TMCO5A: variants seen among roughly 807,000 people sequenced by gnomAD.
The protein encoded by TMCO5A is transmembrane and coiled-coil domains 5A.
A neutral mutation model predicts 42.3 loss-of-function variants in TMCO5A; 34 were observed. The ratio of observed to expected loss-of-function variants is 0.80; its 90% CI spans 0.61 to 1.07. The LOEUF (loss-of-function observed/expected upper bound fraction) is 1.07. Among genes scored for constraint, TMCO5A ranks in the 50% least tolerant of loss-of-function variants. TMCO5A has a pLI of 0.00. For synonymous variants in TMCO5A, 131 were observed against 115.6 expected (o/e 1.13, Z -0.86); for missense variants, 357 against 327.9 (o/e 1.09, Z -0.69).
chr15:38,001,477 T>C, the TMCO5A span, among the ~76,000 whole-genome samples: 1 of 151,784 alleles, frequency 6.6e-6, no homozygotes, highest in Non-Finnish European at 1.5e-5. Context: ...TCTATGTCTT[T>C]TGGTTGGAGA....
At chr15:37,992,218 A>G in the TMCO5A span, among the ~76,000 whole-genome samples, 1 of 152,230 alleles carries the variant, frequency 6.6e-6, no homozygotes, top group Admixed American at 6.5e-5. Context: ...TAAAGAAGAC[A>G]TACATGCGGC....
the TMCO5A span, among the ~76,000 whole-genome samples, chr15:38,021,277 G>C: frequency 1.5e-4 from 23 of 152,144 alleles, no homozygotes; most frequent in African/African-American, 4.6e-4. Context: ...ATTAAGGTAG[G>C]CTAAACCACT....
the TMCO5A span, among the ~76,000 whole-genome samples, chr15:38,024,218 A>G: frequency 4.6e-4 from 70 of 152,274 alleles, no homozygotes; most frequent in African/African-American, 1.6e-3. Flanking sequence ...CTTCTCCAGG[A>G]AGAGGAAAAG....
chr15:37,964,449 C>T (rs928422880), intron 11 of TMCO5A, among the ~76,000 whole-genome samples: 2 of 151,864 alleles, frequency 1.3e-5, no homozygotes, highest in African/African-American at 4.8e-5. Flanking sequence ...ATCTGTAGGT[C>T]CTCTCAGAAT....
At chr15:37,991,289 G>A in the TMCO5A span, among the ~76,000 whole-genome samples, 80 of 152,084 alleles carry the variant, frequency 5.3e-4, no homozygotes, top group African/African-American at 1.8e-3. Context: ...AGTTTTTCTT[G>A]TGGGACATGT....
Position 37,941,073 on chromosome 15 carries a change from G to A in TMCO5A, c.388-76G>A, listed in dbSNP as rs1025177758. ...CCTGAGGCTCCTCACAGCTCGTGAGGCCACCTTGGTGACAGCATTCCATTC... is the reference window on the plus strand; with the variant it reads ...CCTGAGGCTCCTCACAGCTCGTGAGACCACCTTGGTGACAGCATTCCATTC... On this transcript the variant is annotated intron_variant, in intron 6 of 11. Coordinates refer to ENST00000319669, the MANE Select transcript of TMCO5A (RefSeq NM_152453.4). 3.3e-5 allele frequency: 48 copies of A among 1,446,622 alleles called. No individual in the cohort carries two copies. The East Asian group carries it at 1.1e-3, about 32-fold the overall frequency. 89.6% of individuals were successfully genotyped at this position (1,446,622 alleles called of 1,614,324 possible).
chr15:38,037,488 G>A, the TMCO5A span, among the ~76,000 whole-genome samples: 2 of 152,198 alleles, frequency 1.3e-5, no homozygotes, highest in African/African-American at 4.8e-5. Context: ...ATATTCCCAA[G>A]TTAAGGGGGC....
At chr15:37,988,497 C>T in the TMCO5A span, among the ~76,000 whole-genome samples, 1 of 151,842 alleles carries the variant, frequency 6.6e-6, no homozygotes, top group Non-Finnish European at 1.5e-5. Flanking sequence ...TCATACATAG[C>T]TTTTATTATG....
chr15:37,995,187 T>C, the TMCO5A span, among the ~76,000 whole-genome samples: 4 of 152,070 alleles, frequency 2.6e-5, no homozygotes, highest in Non-Finnish European at 5.9e-5. Context: ...AGCCCCTCTC[T>C]AGGGACCTTT....
the TMCO5A span, among the ~76,000 whole-genome samples, chr15:37,982,458 T>C: frequency 1.4e-5 from 1 of 70,964 alleles, no homozygotes; most frequent in East Asian, 2.5e-4. Context: ...ATATAACACC[T>C]ATTATATAAT....
the TMCO5A span, chr15:38,040,398 T>C: frequency 6.6e-6 from 1 of 152,166 alleles, no homozygotes; most frequent in Non-Finnish European, 1.5e-5. Flanking sequence ...GTCCCATTCT[T>C]CTGCAGGCAA....
chr15:37,953,992 G>A (rs1890225149), downstream of TMCO5A, among the ~76,000 whole-genome samples: 1 of 151,594 alleles, frequency 6.6e-6, no homozygotes, highest in African/African-American at 2.4e-5. Flanking sequence ...TTAAAGACAG[G>A]CTAATTGAAA....
At chr15:37,942,149 C>A in intron 8 of TMCO5A, 42 bp from the exon 9 acceptor site, 1 of 1,582,356 alleles carries the variant, frequency 6.3e-7, no homozygotes, top group Non-Finnish European at 8.6e-7. Flanking sequence ...AATTGTAAAC[C>A]TTCTAAGTAG....
rs748189122 is a variant in TMCO5A, at chr15:37,941,229, A to C, written c.444+24A>C. ...AGGTAACAGCAGGAACTTCAATGTG[A>C]CTTCTCCCCAAAAAGGGAAATGTGA... On this transcript the variant is annotated intron_variant, in intron 7 of 11. Transcript: ENST00000319669. 16 of 1,608,572 alleles carry C rather than the reference A, an allele frequency of 9.9e-6. No homozygotes were observed. In the South Asian group the frequency reaches 1.8e-4, roughly 18 times the overall value.
At chr15:37,978,758 A>G in the TMCO5A span, among the ~76,000 whole-genome samples, 1 of 152,222 alleles carries the variant, frequency 6.6e-6, no homozygotes, top group Non-Finnish European at 1.5e-5. Flanking sequence ...TTGTACTGCC[A>G]TAAAGAAATA....
chr15:37,936,703 G>A (rs1342938502), intron 3 of TMCO5A, 144 bp from the exon 4 acceptor site: 1 of 1,255,230 alleles, frequency 8.0e-7, no homozygotes, highest in Non-Finnish European at 1.1e-6. Context: ...AGGTCTTCCT[G>A]CTTTATGGAT....
the TMCO5A span, among the ~76,000 whole-genome samples, chr15:38,008,107 G>C: frequency 2.0e-5 from 3 of 151,356 alleles, no homozygotes; most frequent in Non-Finnish European, 4.4e-5. Flanking sequence ...ATGTTAGCCG[G>C]GATGGTCTCG....
chr15:37,938,330 GT>G (rs1313403861), intron 6 of TMCO5A, 101 bp downstream of exon 6: 27 of 1,017,892 alleles, frequency 2.7e-5, no homozygotes, highest in Non-Finnish European at 3.9e-5. Flanking sequence ...ATTCTTGGTA[GT>G]TTTCCTCCAT....
chr15:37,937,292 A>G (rs200706041), intron 4 of TMCO5A, 54 bp from the exon 5 acceptor site: 229 of 1,593,720 alleles, frequency 1.4e-4, no homozygotes, highest in Non-Finnish European at 1.8e-4. Flanking sequence ...AATCAACTGA[A>G]TAAGAACAGA....
Sources: gnomAD v4.1 joint callset for allele counts (sites outside exome capture counted in the v4.1 genomes callset) on GRCh38, gnomAD v4.1.1 for gene constraint, MANE v1.5 for transcripts, NCBI Gene and HGNC (gene_info 2026-07-23, HGNC 2026-07-21) for gene names.